Variants in METTL3 observed in about 807,000 individuals in gnomAD.
METTL3 encodes methyltransferase 3, N6-adenosine-methyltransferase complex catalytic subunit, also known as N(6)-adenosine-methyltransferase catalytic subunit METTL3.
In METTL3, 42 loss-of-function variants were observed where a neutral mutation model predicts 64.3. That is an observed-to-expected ratio of 0.65 (90% CI 0.51 to 0.84). METTL3 has a LOEUF of 0.84. Among genes scored for constraint, METTL3 ranks in the 40% least tolerant of loss-of-function variants. The pLI, the probability that METTL3 is intolerant of heterozygous loss-of-function variation, is 0.00. For synonymous variants in METTL3, 256 were observed against 263.6 expected (o/e 0.97, Z 0.28); for missense variants, 435 against 722.3 (o/e 0.60, Z 4.56).
At chr14:21,506,498 G>A (rs922808855) in intron 1 of METTL3, among the ~76,000 whole-genome samples, 2 of 152,156 alleles carry the variant, frequency 1.3e-5, no homozygotes, top group Non-Finnish European at 2.9e-5. Flanking sequence ...AGCTTGCAGT[G>A]AGCCGAGATC....
In METTL3 at chr14:21,506,546, T is replaced by C. The variant is rs191906814; in HGVS notation, c.101-2665A>G. Reference sequence around the variant, plus strand: ...TCCAGCCTGGGTGACAGAGCGAGACTCCGTCTCAAGAAAAAACAAAACAAA... The same window carrying C: ...TCCAGCCTGGGTGACAGAGCGAGACCCCGTCTCAAGAAAAAACAAAACAAA... On this transcript the variant is annotated intron_variant, in intron 1 of 10. Coordinates refer to ENST00000298717, the MANE Select transcript of METTL3 (RefSeq NM_019852.5). 8.0e-4 allele frequency among the ~76,000 whole-genome samples: 121 copies of C among 152,036 alleles called. 2 individuals carry two copies. The East Asian group carries it at 0.018, about 22-fold the overall frequency.
At position 21,500,626 on chromosome 14, in the gene METTL3, A is replaced by T. The variant is rs1385297710; in HGVS notation, c.1173T>A (p.Val391=). The T allele has an allele frequency of 6.2e-7, 1 of 1,614,172 alleles. No homozygotes were observed. The highest frequency in any genetic ancestry group is 8.5e-7 in the Non-Finnish European group (1 of 1,180,034). ...TATCCCAGGGTGGGTCAGCCATCAC[A>T]ACTGCAAACTTGCCCAAGATACTGA... is the stretch of plus-strand genomic sequence containing the variant. ...LDVSILGKFA[V]VMADPPWDIH... The change falls in exon 6 of 11, where the codon GTT becomes GTA. Residue 391 remains valine, a synonymous_variant. Transcript: ENST00000298717.
At chr14:21,508,413 T>C (rs1402919412) in intron 1 of METTL3, among the ~76,000 whole-genome samples, 2 of 152,148 alleles carry the variant, frequency 1.3e-5, no homozygotes, top group East Asian at 3.9e-4. Context: ...GTCAAAAATA[T>C]TAAACATGTT....
chr14:21,506,744 A>G (rs934445633), intron 1 of METTL3, among the ~76,000 whole-genome samples: 1 of 152,046 alleles, frequency 6.6e-6, no homozygotes, highest in Non-Finnish European at 1.5e-5. Context: ...GAAGGAGGCC[A>G]GGCATGGAGG....
intron 10 of METTL3, 145 bp from the exon 11 acceptor site, chr14:21,498,514 A>G (rs1891467696): frequency 9.8e-6 from 7 of 717,558 alleles, no homozygotes; most frequent in South Asian, 1.9e-5. Context: ...AGAATAGTAT[A>G]TGGTAGAATT....
intron 3 of METTL3, 57 bp from the exon 4 acceptor site, chr14:21,501,960 A>G: frequency 1.4e-6 from 2 of 1,480,098 alleles, no homozygotes; most frequent in Non-Finnish European, 1.9e-6. Flanking sequence ...TGGCTCTTAG[A>G]CCAACTCCGC....
Position 21,503,348 on chromosome 14 carries a change from T to A in METTL3, c.548A>T (p.Asp183Val), listed in dbSNP as rs370185944. The change falls in exon 3 of 11, where the codon GAC becomes GTC. Residue 183 changes from aspartate to valine, a missense_variant. Coordinates refer to ENST00000298717, the MANE Select transcript of METTL3 (RefSeq NM_019852.5). ...GGCAAAGGCAGCTACTGTAGTCGAG[T>A]CCTGTTCTGCACGCCGCTTCTGCCC... The part of the protein sequence containing the change: ...VTGQKRRAEQ[D>V]STTVAAFASS... 1.3e-5 allele frequency: 21 copies of A among 1,613,912 alleles called. No homozygotes were observed. Among genetic ancestry groups the A allele is most frequent in the Non-Finnish European group, 1.7e-5 (20 of 1,180,010 alleles).
At chr14:21,505,719 A>C (rs1255473143) in intron 1 of METTL3, among the ~76,000 whole-genome samples, 2 of 152,208 alleles carry the variant, frequency 1.3e-5, no homozygotes, top group African/African-American at 4.8e-5. Context: ...AAATGATAAG[A>C]ATCCCTGGGT....
intron 1 of METTL3, chr14:21,504,198 C>G: frequency 3.3e-6 from 1 of 306,602 alleles, no homozygotes; most frequent in Non-Finnish European, 6.3e-6. Flanking sequence ...TTTCTATCAA[C>G]CTACATTTTA....
At chr14:21,501,619 C>A in intron 4 of METTL3, 109 bp downstream of exon 4, 1 of 1,424,458 alleles carries the variant, frequency 7.0e-7, no homozygotes, top group Non-Finnish European at 9.7e-7. Context: ...TTACACAAAC[C>A]ATAAACTAAA....
In METTL3 at chr14:21,511,284, C is replaced by T. The variant is rs371038504; in HGVS notation, c.-61G>A. The T allele has an allele frequency of 3.5e-5, 55 of 1,569,580 alleles. No individual in the cohort carries two copies. In the African/African-American group the frequency reaches 7.2e-4, roughly 21 times the overall value. On this transcript the variant is annotated 5_prime_UTR_variant, in exon 1 of 11. The change creates a new upstream start codon in the 5' untranslated region. Coordinates refer to ENST00000298717, the MANE Select transcript of METTL3 (RefSeq NM_019852.5). ...CGCGGCGGACTAGCACCTCCCAGCA[C>T]TCGCTCCAGGATATAGCCAATTCTC...
At chr14:21,506,748 A>G (rs1454266402) in intron 1 of METTL3, among the ~76,000 whole-genome samples, 1 of 152,050 alleles carries the variant, frequency 6.6e-6, no homozygotes, top group Non-Finnish European at 1.5e-5. Context: ...GAGGCCAGGC[A>G]TGGAGGCTTA....
rs1846554294 is a variant in METTL3 at position 21,511,232 on chromosome 14, C to T, written c.-9G>A. 6.8e-6 allele frequency: 11 copies of T among 1,612,696 alleles called. No homozygotes were observed. Among genetic ancestry groups the T allele is most frequent in the Non-Finnish European group, 6.8e-6 (8 of 1,179,400 alleles). On this transcript the variant is annotated 5_prime_UTR_variant, in exon 1 of 11. Transcript: ENST00000298717. The stretch of plus-strand genomic sequence containing the variant: ...CTCCACGTGTCCGACATCCTAGTCT[C>T]CCAGCCCTGACACCTCTCGAATAAG...
intron 3 of METTL3, 28 bp downstream of exon 3, chr14:21,503,145 T>A: frequency 1.3e-6 from 2 of 1,580,252 alleles, no homozygotes; most frequent in Non-Finnish European, 1.7e-6. Context: ...AAGAGCATAT[T>A]GTGAGAGTAT....
intron 1 of METTL3, among the ~76,000 whole-genome samples, chr14:21,507,028 G>A (rs1215767457): frequency 6.6e-6 from 1 of 151,916 alleles, no homozygotes; most frequent in Non-Finnish European, 1.5e-5. Context: ...TGATCCACCC[G>A]CCTTAGCCTT....
At chr14:21,504,040 A>C (rs1453545589) in intron 1 of METTL3, 159 bp from the exon 2 acceptor site, 2 of 626,116 alleles carry the variant, frequency 3.2e-6, no homozygotes, top group East Asian at 5.5e-5. Flanking sequence ...CCTCAATCAT[A>C]CTAAAACATT....
chr14:21,506,649 T>G (rs1192339121), intron 1 of METTL3, among the ~76,000 whole-genome samples: 1 of 152,082 alleles, frequency 6.6e-6, no homozygotes, highest in Non-Finnish European at 1.5e-5. Flanking sequence ...AGCCAAAAGG[T>G]AGAAGTAACC....
chr14:21,501,515 C>T, intron 4 of METTL3: 1 of 633,130 alleles, frequency 1.6e-6, no homozygotes, highest in Non-Finnish European at 2.7e-6. Flanking sequence ...AGGGAGGGAG[C>T]TTTTAAAAAA....
In METTL3 at chr14:21,499,366, A is replaced by G; in HGVS notation, c.1458T>C (p.Gly486=). ...TGAAGCCTTGGGGATTTCCTTTGAC[A>G]CCAACCTGCTCACCACAGATAACAG... ...LNHGKEHCLV[G]VKGNPQGFNQ... Residue 486 remains glycine, a synonymous_variant, in exon 9 of 11, where the codon GGT becomes GGC. Transcript: ENST00000298717. 6.2e-7 allele frequency: 1 copy of G among 1,614,140 alleles called. No individual in the cohort carries two copies. Among genetic ancestry groups the G allele is most frequent in the South Asian group, 1.1e-5 (1 of 91,078 alleles).
Sources: gnomAD v4.1 joint callset for allele counts (sites outside exome capture counted in the v4.1 genomes callset) on GRCh38, gnomAD v4.1.1 for gene constraint, MANE v1.5 for transcripts, NCBI Gene and HGNC (gene_info 2026-07-23, HGNC 2026-07-21) for gene names.